The following CYB5R4 variants were observed in gnomAD, a reference collection of about 807,000 sequenced individuals.
The protein encoded by CYB5R4 is cytochrome b5 reductase 4, also known as N-terminal cytochrome b5 and cytochrome b5 oxidoreductase domain-containing protein.
Under a neutral mutation model 70.2 loss-of-function variants are expected in CYB5R4, and 55 were observed. The observed-to-expected ratio is 0.78, with a 90% CI of 0.63 to 0.98. CYB5R4 has a LOEUF of 0.98. Ranked by LOEUF, CYB5R4 falls within the 50% of genes least tolerant of loss-of-function variation. The pLI is 0.00. For missense variants in CYB5R4, 562 were observed against 612.6 expected (o/e 0.92, Z 0.87); for synonymous variants, 197 against 199.5 (o/e 0.99, Z 0.11).
chr6:83,888,378 T>C (rs1167846139), intron 2 of CYB5R4, among the ~76,000 whole-genome samples: 1 of 152,212 alleles, frequency 6.6e-6, no homozygotes, highest in African/African-American at 2.4e-5. Context: ...GTGGCAACTC[T>C]GTGTCTAACA....
chr6:83,907,782 T>C (rs2099464039), intron 3 of CYB5R4, among the ~76,000 whole-genome samples: 1 of 152,204 alleles, frequency 6.6e-6, no homozygotes, highest in Non-Finnish European at 1.5e-5. Flanking sequence ...TCCAGCTCCA[T>C]CCATGTTCCT....
chr6:83,900,837 C>G (rs1457251536), intron 3 of CYB5R4, among the ~76,000 whole-genome samples: 2 of 152,106 alleles, frequency 1.3e-5, no homozygotes, highest in African/African-American at 4.8e-5. Flanking sequence ...TTCCTCCATC[C>G]CTTAATTTTG....
intron 10 of CYB5R4, among the ~76,000 whole-genome samples, chr6:83,933,991 A>G (rs1204432912): frequency 6.6e-6 from 1 of 152,230 alleles, no homozygotes; most frequent in Non-Finnish European, 1.5e-5. Context: ...ATAGAGACAC[A>G]AGAATGTCTA....
At chr6:83,919,011 A>T (rs1427991412) in intron 6 of CYB5R4, among the ~76,000 whole-genome samples, 1 of 152,084 alleles carries the variant, frequency 6.6e-6, no homozygotes, top group South Asian at 2.1e-4. Flanking sequence ...CTTCACTACT[A>T]ATATATTTGT....
At chr6:83,933,779 C>G (rs1322673326) in intron 10 of CYB5R4, among the ~76,000 whole-genome samples, 1 of 152,106 alleles carries the variant, frequency 6.6e-6, no homozygotes, top group East Asian at 1.9e-4. Flanking sequence ...TCAAATTTCT[C>G]TAGTATTTAT....
At chr6:83,937,477 C>T (rs948992250) in intron 12 of CYB5R4, among the ~76,000 whole-genome samples, 4 of 152,118 alleles carry the variant, frequency 2.6e-5, no homozygotes, top group Admixed American at 2.6e-4. Context: ...CACCACCTGG[C>T]ATGGCAGTTG....
At chr6:83,877,911 C>T (rs1387824483) in intron 2 of CYB5R4, among the ~76,000 whole-genome samples, 2 of 152,188 alleles carry the variant, frequency 1.3e-5, no homozygotes, top group South Asian at 2.1e-4. Context: ...ATTATCTCTT[C>T]AAATATTTCT....
At chr6:83,921,870 C>T (rs570381903) in intron 8 of CYB5R4, among the ~76,000 whole-genome samples, 1 of 152,230 alleles carries the variant, frequency 6.6e-6, no homozygotes, top group Non-Finnish European at 1.5e-5. Flanking sequence ...TTCTTGCATC[C>T]CCCACTTCTG....
chr6:83,948,863 C>T (rs995047411), intron 14 of CYB5R4, among the ~76,000 whole-genome samples: 1 of 151,860 alleles, frequency 6.6e-6, no homozygotes, highest in Non-Finnish European at 1.5e-5. Context: ...ATGCCTGGCT[C>T]TAACAGCACT....
At chr6:83,941,740 A>G (rs921819831) in intron 14 of CYB5R4, among the ~76,000 whole-genome samples, 11 of 152,248 alleles carry the variant, frequency 7.2e-5, no homozygotes, top group Admixed American at 6.5e-4. Context: ...TACTAAAAAC[A>G]TAGACCTAAG....
chr6:83,949,802 C>G (rs1248916710), intron 14 of CYB5R4, among the ~76,000 whole-genome samples: 1 of 152,120 alleles, frequency 6.6e-6, no homozygotes, highest in Non-Finnish European at 1.5e-5. Flanking sequence ...TGGCCTTGGG[C>G]AAATTACTTT....
intron 3 of CYB5R4, among the ~76,000 whole-genome samples, chr6:83,897,604 G>A (rs1428097564): frequency 6.6e-6 from 1 of 152,190 alleles, no homozygotes; most frequent in Non-Finnish European, 1.5e-5. Flanking sequence ...GGTGGGAGAT[G>A]GTATCTCATT....
chr6:83,927,996 CTTGTAG>C (rs1169193870), intron 10 of CYB5R4, among the ~76,000 whole-genome samples: 1 of 152,108 alleles, frequency 6.6e-6, no homozygotes, highest in African/African-American at 2.4e-5. Context: ...GTTTAAGACA[CTTGTAG>C]TACTTAGGAG....
At chr6:83,869,969 A>G (rs2099457311) in intron 2 of CYB5R4, among the ~76,000 whole-genome samples, 1 of 152,206 alleles carries the variant, frequency 6.6e-6, no homozygotes, top group South Asian at 2.1e-4. Flanking sequence ...AGTATGCCTT[A>G]TGGAGAAAAT....
intron 12 of CYB5R4, 101 bp downstream of exon 12, chr6:83,936,477 C>A: frequency 9.6e-7 from 1 of 1,037,846 alleles, no homozygotes; most frequent in Non-Finnish European, 1.4e-6. Flanking sequence ...ATCTTTAACT[C>A]AACATGTCTA....
chr6:83,887,217 C>A (rs1588564457), intron 2 of CYB5R4, among the ~76,000 whole-genome samples: 1 of 152,098 alleles, frequency 6.6e-6, no homozygotes, highest in Admixed American at 6.6e-5. Context: ...TGGATCTGTT[C>A]AAGCAGATGC....
chr6:83,863,493 G>A (rs531599491), intron 1 of CYB5R4, among the ~76,000 whole-genome samples: 1 of 152,102 alleles, frequency 6.6e-6, no homozygotes, highest in Non-Finnish European at 1.5e-5. Flanking sequence ...ATAGTTAATT[G>A]TCTCTTTACC....
chr6:83,879,618 A>G (rs571285173), intron 2 of CYB5R4, among the ~76,000 whole-genome samples: 3 of 152,170 alleles, frequency 2.0e-5, no homozygotes, highest in East Asian at 1.9e-4. Context: ...GCCTTAAACT[A>G]TGGATGGACT....
At chr6:83,860,943 T>G (rs2099455830) in intron 1 of CYB5R4, among the ~76,000 whole-genome samples, 1 of 152,256 alleles carries the variant, frequency 6.6e-6, no homozygotes, top group African/African-American at 2.4e-5. Flanking sequence ...CTAAGAAATA[T>G]TGCCCTAAAT....
Sources: gnomAD v4.1 joint callset for allele counts (sites outside exome capture counted in the v4.1 genomes callset) on GRCh38, gnomAD v4.1.1 for gene constraint, MANE v1.5 for transcripts, NCBI Gene and HGNC (gene_info 2026-07-23, HGNC 2026-07-21) for gene names.